Variants in SETX observed in about 807,000 individuals in gnomAD.
SETX encodes senataxin, also known as helicase senataxin.
Under a neutral mutation model 227.2 loss-of-function variants are expected in SETX, and 90 were observed. The ratio of observed to expected loss-of-function variants is 0.40; its 90% CI spans 0.33 to 0.47. The LOEUF is 0.47. SETX is among the 20% of genes least tolerant of loss of function. SETX has a pLI of 0.91. For synonymous variants in SETX, 1,210 were observed against 1,113.2 expected, an observed-to-expected ratio of 1.09 and a Z score of -1.73; for missense variants, 3,052 against 3,181.5, an observed-to-expected ratio of 0.96 and a Z score of 0.98.
intron 25 of SETX, among the ~76,000 whole-genome samples, chr9:132,269,233 G>T (rs1331059178): frequency 6.6e-6 from 1 of 152,258 alleles, no homozygotes; most frequent in Non-Finnish European, 1.5e-5. Context: ...AAGCAGAGCA[G>T]AGCACGCGCC....
chr9:132,349,526 T>C, intron 2 of SETX, 91 bp from the exon 3 acceptor site: 2 of 1,363,110 alleles, frequency 1.5e-6, no homozygotes, highest in Non-Finnish European at 2.1e-6. Context: ...GTGACCCTGG[T>C]TTCAATTTAA....
intron 4 of SETX, 108 bp downstream of exon 4, chr9:132,346,153 T>C (rs1848273193): frequency 1.1e-6 from 1 of 880,334 alleles, no homozygotes; most frequent in Non-Finnish European, 1.8e-6. Flanking sequence ...TAATTATATA[T>C]CCTAATTATA....
chr9:132,322,547 TCTTCA>T (rs1267580360), intron 10 of SETX, among the ~76,000 whole-genome samples: 1 of 152,242 alleles, frequency 6.6e-6, no homozygotes, highest in African/African-American at 2.4e-5. Context: ...TGAACACAGA[TCTTCA>T]CTTCTTTTTA....
At chr9:132,325,554 G>T (rs1409053101) in intron 10 of SETX, among the ~76,000 whole-genome samples, 1 of 152,094 alleles carries the variant, frequency 6.6e-6, no homozygotes, top group Non-Finnish European at 1.5e-5. Context: ...CTTTACCCGT[G>T]CGTCAATAAA....
chr9:132,324,821 A>G (rs578050), intron 10 of SETX, among the ~76,000 whole-genome samples: 151,759 of 152,362 alleles, frequency 1, 75,583 homozygotes, highest in East Asian at 1. Context: ...TATACACGAA[A>G]GTTTCTTTTG....
At position 132,271,770 on chromosome 9, in the gene SETX, C is replaced by A; in HGVS notation, c.7139G>T (p.Arg2380Leu). Residue 2380 changes from arginine to leucine, a missense_variant, in exon 24 of 26, where the codon CGG becomes CTG. Transcript: ENST00000224140. ...EVDTVDAFQG[R>L]QKDCVIVTCV... ...CGTAACAATAACACAATCCTTCTGC[C>A]GACCCTGGAATGCATCCACAGTGTC... is the stretch of plus-strand genomic sequence containing the variant. The A allele has an allele frequency of 1.2e-6, 2 of 1,613,984 alleles. No individual in the cohort carries two copies. Among genetic ancestry groups the A allele is most frequent in the Non-Finnish European group, 1.7e-6 (2 of 1,179,978 alleles).
intron 20 of SETX, among the ~76,000 whole-genome samples, chr9:132,278,558 G>A (rs541775248): frequency 7.7e-5 from 11 of 142,738 alleles, no homozygotes; most frequent in African/African-American, 1.8e-4. Context: ...AGGTTCAAGC[G>A]ATTCTCATGT....
chr9:132,285,733 A>C (rs1843824821), intron 18 of SETX, among the ~76,000 whole-genome samples: 1 of 150,552 alleles, frequency 6.6e-6, no homozygotes, highest in Non-Finnish European at 1.5e-5. Context: ...TACAAAATTT[A>C]GTCGGGCGTG....
At chr9:132,265,344 A>G (rs985029856) in intron 25 of SETX, among the ~76,000 whole-genome samples, 5 of 149,436 alleles carry the variant, frequency 3.3e-5, no homozygotes, top group African/African-American at 1.2e-4. Context: ...TCCTGCCTCA[A>G]CCTCCCGAGT....
intron 22 of SETX, 121 bp downstream of exon 22, chr9:132,276,939 T>C: frequency 1.2e-6 from 1 of 845,496 alleles, no homozygotes; most frequent in African/African-American, 1.7e-5. Context: ...TAAGTGAACA[T>C]GACTGTGCCC....
Position 132,326,592 on chromosome 9 carries a change from C to T in SETX, c.5006G>A (p.Arg1669Lys). ...LHPQSPNNSN[R>K]QGCKVPFGES... ...ACCAAATGGAACTTTGCAACCTTGC[C>T]TGTTGGAATTATTCGGAGACTGAGG... The change falls in exon 10 of 26, where the codon AGG becomes AAG. Residue 1669 changes from arginine (R) to lysine (K), a missense_variant. Coordinates refer to ENST00000224140, the MANE Select transcript of SETX (RefSeq NM_015046.7). 6.2e-7 allele frequency: 1 copy of T among 1,614,192 alleles called. No homozygotes were observed. The highest frequency in any genetic ancestry group is 8.5e-7 in the Non-Finnish European group (1 of 1,180,032).
At chr9:132,281,771 G>A (rs1246356555) in intron 19 of SETX, among the ~76,000 whole-genome samples, 197 bp from the exon 20 acceptor site, 5 of 152,128 alleles carry the variant, frequency 3.3e-5, no homozygotes, top group Non-Finnish European at 7.3e-5. Flanking sequence ...GTGTGCAGTG[G>A]CTAACACACG....
At chr9:132,276,176 T>C (rs964046394) in intron 22 of SETX, among the ~76,000 whole-genome samples, 1 of 152,194 alleles carries the variant, frequency 6.6e-6, no homozygotes, top group African/African-American at 2.4e-5. Flanking sequence ...CTCCTAACTT[T>C]GAGACTTACT....
chr9:132,284,982 C>G (rs1843760277), intron 18 of SETX, among the ~76,000 whole-genome samples: 1 of 151,940 alleles, frequency 6.6e-6, no homozygotes, highest in South Asian at 2.1e-4. Context: ...AGGTTCACGC[C>G]ATTCTCCTGC....
At chr9:132,301,839 A>C (rs983235923) in intron 11 of SETX, among the ~76,000 whole-genome samples, 2 of 152,204 alleles carry the variant, frequency 1.3e-5, no homozygotes, top group Admixed American at 6.5e-5. Context: ...ACGGTTGTAA[A>C]CTACATGGGA....
intron 20 of SETX, among the ~76,000 whole-genome samples, chr9:132,280,902 A>G (rs1477302542): frequency 6.6e-6 from 1 of 152,114 alleles, no homozygotes; most frequent in Non-Finnish European, 1.5e-5. Context: ...AGAGCTTGTA[A>G]TTGAGTCTTT....
rs777857355 is a variant in SETX at position 132,327,717 on chromosome 9, C to A, written c.3881G>T (p.Arg1294Leu). 5 of 1,614,046 alleles carry A rather than the reference C, an allele frequency of 3.1e-6. No individual in the cohort carries two copies. The highest frequency in any genetic ancestry group is 2.2e-5 in the East Asian group (1 of 44,888). The change falls in exon 10 of 26, where the codon CGT (arginine) becomes CTT (leucine). Residue 1294 changes from arginine to leucine, a missense_variant. This residue lies in a region of SETX where 1,483 missense variants were observed against 1,312.0 expected (regional missense o/e 1.13). Coordinates refer to ENST00000224140, the MANE Select transcript of SETX (RefSeq NM_015046.7). ...AEKLGLKKGPRKAYELSQRSL... is the reference protein window; with the variant it reads ...AEKLGLKKGPLKAYELSQRSL... ...CCGCTGGGACAACTCATATGCCTTA[C>A]GAGGACCCTTTTTCAGGCCAAGTTT... is the stretch of plus-strand genomic sequence containing the variant.
intron 5 of SETX, among the ~76,000 whole-genome samples, chr9:132,341,072 C>T (rs1301333466): frequency 6.6e-6 from 1 of 151,998 alleles, no homozygotes; most frequent in Non-Finnish European, 1.5e-5. Flanking sequence ...GTCGGCTGGA[C>T]GTGGTGGCTC....
intron 6 of SETX, among the ~76,000 whole-genome samples, chr9:132,335,235 A>T (rs1272334105): frequency 6.7e-6 from 1 of 149,828 alleles, no homozygotes; most frequent in Non-Finnish European, 1.5e-5. Context: ...CTAAAAATAC[A>T]AAAAAATTAG....
Sources: gnomAD v4.1 joint callset for allele counts (sites outside exome capture counted in the v4.1 genomes callset) on GRCh38, gnomAD v4.1.1 for gene constraint, gnomAD v4.1.1 regional missense constraint, MANE v1.5 for transcripts, NCBI Gene and HGNC (gene_info 2026-07-23, HGNC 2026-07-21) for gene names.